Variants in FBN2 observed in about 807,000 individuals in gnomAD.
FBN2 encodes the protein fibrillin-2.
FBN2 carries 105 observed loss-of-function variants against 355.6 expected under a neutral mutation model. That is an observed-to-expected ratio of 0.30 (90% CI 0.25 to 0.35). The LOEUF is 0.35. FBN2 is among the 10% of genes least tolerant of loss of function. The pLI is 1.00. For synonymous variants in FBN2, 1,350 were observed against 1,301.2 expected (o/e 1.04, Z -0.81); for missense variants, 3,280 against 3,758.7 (o/e 0.87, Z 3.33).
rs544126572 is a variant in FBN2 at position 128,330,778 on chromosome 5, T to C, written c.4223-83A>G. On this transcript the variant is annotated intron_variant, in intron 32 of 64. Coordinates refer to ENST00000262464, the MANE Select transcript of FBN2 (RefSeq NM_001999.4). ...AGATTATCGTTTGTCTTAATTTACA[T>C]ATAAACTGGATAAATGACAGGCATT... 46 of 1,452,122 alleles carry C rather than the reference T, an allele frequency of 3.2e-5. No individual in the cohort carries two copies. The African/African-American group carries it at 4.5e-4, about 14-fold the overall frequency. The allele number at this position is 1,452,122 out of a possible 1,614,324, so 90.0% of individuals were successfully genotyped here.
chr5:128,469,235 C>T (rs1206606826), intron 5 of FBN2, among the ~76,000 whole-genome samples: 1 of 152,118 alleles, frequency 6.6e-6, no homozygotes, highest in Non-Finnish European at 1.5e-5. Flanking sequence ...AGTCCAAAGG[C>T]CCTATGAAGG....
chr5:128,413,303 T>A (rs967103479), intron 7 of FBN2, among the ~76,000 whole-genome samples: 3 of 151,850 alleles, frequency 2.0e-5, no homozygotes, highest in Non-Finnish European at 4.4e-5. Context: ...ACTATCAACA[T>A]CTAAGAAAAA....
intron 18 of FBN2, among the ~76,000 whole-genome samples, chr5:128,362,536 C>A (rs1373278674): frequency 6.6e-6 from 1 of 152,212 alleles, no homozygotes; most frequent in African/African-American, 2.4e-5. Flanking sequence ...TCACAGCTCA[C>A]TGAAGCTTTG....
chr5:128,325,946 ACTT>A (rs1005686365), intron 34 of FBN2, among the ~76,000 whole-genome samples: 12 of 152,062 alleles, frequency 7.9e-5, no homozygotes, highest in Non-Finnish European at 1.6e-4. Flanking sequence ...ATCTCTACAA[ACTT>A]CTTCAACTAC....
At chr5:128,264,488 T>C (rs908208767) in intron 62 of FBN2, among the ~76,000 whole-genome samples, 4 of 152,246 alleles carry the variant, frequency 2.6e-5, no homozygotes, top group African/African-American at 4.8e-5. Flanking sequence ...AGGATAATTA[T>C]AGGTTATACT....
intron 19 of FBN2, among the ~76,000 whole-genome samples, chr5:128,359,339 A>C (rs946193136): frequency 6.6e-6 from 1 of 152,092 alleles, no homozygotes; most frequent in Non-Finnish European, 1.5e-5. Context: ...ATTCAGAAAG[A>C]AGAGAATGAA....
intron 24 of FBN2, among the ~76,000 whole-genome samples, chr5:128,344,935 A>G (rs1409054843): frequency 1.3e-5 from 2 of 152,100 alleles, no homozygotes; most frequent in Non-Finnish European, 2.9e-5. Flanking sequence ...TCCTGACCTC[A>G]GGTGATCCAC....
At chr5:128,497,299 A>G (rs768051185) in intron 5 of FBN2, among the ~76,000 whole-genome samples, 2 of 152,210 alleles carry the variant, frequency 1.3e-5, no homozygotes, top group African/African-American at 2.4e-5. Context: ...ACACACCAGA[A>G]ATCCTAGATC....
intron 5 of FBN2, among the ~76,000 whole-genome samples, chr5:128,466,511 C>A (rs554994219): frequency 1.3e-5 from 2 of 152,184 alleles, no homozygotes; most frequent in African/African-American, 4.8e-5. Context: ...AGCTAGGAAG[C>A]CTTAGATATC....
At chr5:128,330,421 G>T in intron 33 of FBN2, 152 bp downstream of exon 33, 1 of 759,130 alleles carries the variant, frequency 1.3e-6, no homozygotes, top group Non-Finnish European at 2.2e-6. Flanking sequence ...TGTGTTTAAT[G>T]TAAGAGAAAG....
chr5:128,479,921 T>C (rs1755106408), intron 5 of FBN2, among the ~76,000 whole-genome samples: 1 of 129,344 alleles, frequency 7.7e-6, no homozygotes, highest in African/African-American at 3.0e-5. Context: ...AACAAGACCT[T>C]GTCTCCTTGT....
At chr5:128,523,699 G>A (rs760684551) in intron 4 of FBN2, among the ~76,000 whole-genome samples, 47 of 151,866 alleles carry the variant, frequency 3.1e-4, no homozygotes, top group Non-Finnish European at 5.1e-4. Context: ...AGTATTTCCC[G>A]TATCTGGAAA....
chr5:128,376,295 C>T (rs1010105382), intron 14 of FBN2, among the ~76,000 whole-genome samples: 1 of 152,046 alleles, frequency 6.6e-6, no homozygotes, highest in Non-Finnish European at 1.5e-5. Flanking sequence ...GATAATGACA[C>T]AGTTACAAAT....
At chr5:128,520,405 C>T (rs771055561) in intron 4 of FBN2, among the ~76,000 whole-genome samples, 2 of 152,148 alleles carry the variant, frequency 1.3e-5, no homozygotes, top group Admixed American at 1.3e-4. Context: ...CATTTGTCCT[C>T]ACAAATGAAT....
chr5:128,506,523 AACTT>A (rs999935118), intron 5 of FBN2, among the ~76,000 whole-genome samples: 10 of 152,102 alleles, frequency 6.6e-5, no homozygotes, highest in Non-Finnish European at 1.5e-4. Flanking sequence ...AGCCTTGCTG[AACTT>A]ACTTATGAGC....
At chr5:128,324,335 ATTTG>A (rs1246804034) in intron 34 of FBN2, among the ~76,000 whole-genome samples, 1 of 152,048 alleles carries the variant, frequency 6.6e-6, no homozygotes, top group Non-Finnish European at 1.5e-5. Flanking sequence ...TAGCTACTGA[ATTTG>A]TTTGTTCTTG....
intron 8 of FBN2, among the ~76,000 whole-genome samples, chr5:128,406,432 C>CT (rs1429987024): frequency 6.6e-6 from 1 of 152,190 alleles, no homozygotes; most frequent in African/African-American, 2.4e-5. Flanking sequence ...CATACGATTT[C>CT]TTTCCTTTCC....
At chr5:128,476,142 G>C (rs929147417) in intron 5 of FBN2, among the ~76,000 whole-genome samples, 20 of 152,110 alleles carry the variant, frequency 1.3e-4, no homozygotes, top group Admixed American at 1.2e-3. Flanking sequence ...TTCAATGAAG[G>C]ACACAGAATT....
At chr5:128,312,847 T>C in intron 36 of FBN2, 52 bp from the exon 37 acceptor site, 1 of 1,584,204 alleles carries the variant, frequency 6.3e-7, no homozygotes. Context: ...TAGTAAGGAC[T>C]CCATTTTAGG....
Sources: allele counts gnomAD v4.1 joint callset (sites outside exome capture counted in the v4.1 genomes callset), GRCh38; gene constraint gnomAD v4.1.1; transcripts MANE v1.5; gene names NCBI Gene and HGNC (gene_info 2026-07-23, HGNC 2026-07-21).